Variants in ADCY8 observed in about 807,000 individuals in gnomAD.
The protein encoded by ADCY8 is adenylate cyclase 8, also known as adenylate cyclase type 8.
ADCY8 carries 51 observed loss-of-function variants against 119.7 expected under a neutral mutation model. The ratio of observed to expected loss-of-function variants is 0.43; its 90% CI spans 0.34 to 0.54. ADCY8 has a LOEUF of 0.54. Among genes scored for constraint, ADCY8 ranks in the 20% least tolerant of loss-of-function variants. The pLI is 0.03. For synonymous variants in ADCY8, 665 were observed against 651.0 expected, an observed-to-expected ratio of 1.02 and a Z score of -0.33; for missense variants, 1,383 against 1,598.8, an observed-to-expected ratio of 0.87 and a Z score of 2.30.
rs1433750984 is a variant in ADCY8 at position 130,780,369 on chromosome 8, A to G, written c.*21T>C. 1 of 1,403,252 alleles carries G rather than the reference A, an allele frequency of 7.1e-7. No individual in the cohort carries two copies. The highest frequency in any genetic ancestry group is 2.1e-5 in the South Asian group (1 of 47,930). 86.9% of individuals were successfully genotyped at this position (1,403,252 alleles called of 1,614,324 possible). On this transcript the variant is annotated 3_prime_UTR_variant, in exon 18 of 18. Coordinates refer to ENST00000286355, the MANE Select transcript of ADCY8 (RefSeq NM_001115.3). Reference sequence around the variant, plus strand: ...TATATATAAAAGAAATACAAAAAAAAAAAACAGAAAGAAAATGCTTTTATG... The same window carrying G: ...TATATATAAAAGAAATACAAAAAAAGAAAACAGAAAGAAAATGCTTTTATG...
chr8:130,783,730 T>C lies in ADCY8; in HGVS notation c.3229A>G (p.Ile1077Val). 1 of 1,613,436 alleles carries C rather than the reference T, an allele frequency of 6.2e-7. No homozygotes were observed. The highest frequency in any genetic ancestry group is 8.5e-7 in the Non-Finnish European group (1 of 1,179,702). The stretch of plus-strand genomic sequence containing the variant: ...AAATTGTTGAATGAATGCTTGTTGA[T>C]CTCCTGTATGCTTTCTGTCAGGGCG... ...SLALTESIQE[I>V]NKHSFNNFEL... is the part of the protein sequence containing the mutation. The change falls in exon 17 of 18, where the codon ATC (isoleucine) becomes GTC (valine). Residue 1077 changes from isoleucine to valine, a missense_variant. Transcript: ENST00000286355.
chr8:130,852,196 G>A (rs1454013526), intron 9 of ADCY8, among the ~76,000 whole-genome samples: 1 of 152,164 alleles, frequency 6.6e-6, no homozygotes, highest in Non-Finnish European at 1.5e-5. Flanking sequence ...TGCATGATGA[G>A]GCTACTTTAA....
chr8:130,868,050 T>C, intron 8 of ADCY8, 104 bp from the exon 9 acceptor site: 1 of 693,678 alleles, frequency 1.4e-6, no homozygotes, highest in Non-Finnish European at 2.3e-6. Flanking sequence ...TTTTTTTAAA[T>C]TAAGAATAAT....
chr8:130,948,646 A>T (rs1372087694), intron 3 of ADCY8, among the ~76,000 whole-genome samples: 30 of 72,868 alleles, frequency 4.1e-4, no homozygotes, highest in African/African-American at 8.2e-4. Context: ...CTTCAAAATT[A>T]AAAAAAAAAA....
chr8:130,796,856 C>G (rs1017749212), intron 15 of ADCY8, among the ~76,000 whole-genome samples: 1 of 151,318 alleles, frequency 6.6e-6, no homozygotes, highest in Non-Finnish European at 1.5e-5. Flanking sequence ...ACTTATCCTC[C>G]CCCTCCTCTT....
intron 7 of ADCY8, among the ~76,000 whole-genome samples, chr8:130,903,464 G>A (rs796284104): frequency 1.3e-3 from 156 of 124,710 alleles, no homozygotes; most frequent in African/African-American, 5.0e-3. Flanking sequence ...AACATGAGTG[G>A]TTTTTTTTTT....
intron 2 of ADCY8, among the ~76,000 whole-genome samples, chr8:130,969,729 C>A (rs1821866963): frequency 6.6e-6 from 1 of 152,124 alleles, no homozygotes; most frequent in Non-Finnish European, 1.5e-5. Flanking sequence ...CAAATCTTAA[C>A]CCTTCTTATG....
chr8:130,910,824 T>A (rs1205391834), intron 5 of ADCY8, among the ~76,000 whole-genome samples: 1 of 152,232 alleles, frequency 6.6e-6, no homozygotes, highest in East Asian at 1.9e-4. Flanking sequence ...GTCATGAGCG[T>A]TCTTTCTTTC....
At chr8:131,035,350 A>G (rs183942610) in intron 1 of ADCY8, among the ~76,000 whole-genome samples, 172 of 152,276 alleles carry the variant, frequency 1.1e-3, no homozygotes, top group Middle Eastern at 3.4e-3. Context: ...ATGCCACTCC[A>G]GATGCAGAAA....
At chr8:130,943,497 G>GGGGGGGGGGCACC in intron 3 of ADCY8, 35 bp from the exon 4 acceptor site, 9 of 491,334 alleles carry the variant, frequency 1.8e-5, no homozygotes, top group African/African-American at 4.1e-5. Context: ...GTGGGGGGAG[G>GGGGGGGGGGCACC]AAGTATATTA....
chr8:130,926,930 T>C (rs56076969), intron 5 of ADCY8, among the ~76,000 whole-genome samples: 2,574 of 143,242 alleles, frequency 0.018, 87 homozygotes, highest in African/African-American at 0.067. Flanking sequence ...GGTGTAATAG[T>C]ATTCCATTAC....
chr8:130,802,401 C>A (rs1032459615), intron 14 of ADCY8, among the ~76,000 whole-genome samples: 48 of 152,166 alleles, frequency 3.2e-4, no homozygotes, highest in Non-Finnish European at 2.1e-4. Flanking sequence ...AAAATGAGAG[C>A]CTTCTACTGG....
chr8:130,962,593 G>A (rs966292803), intron 2 of ADCY8, among the ~76,000 whole-genome samples: 6 of 152,236 alleles, frequency 3.9e-5, no homozygotes, highest in Admixed American at 2.0e-4. Context: ...AATTGCTACA[G>A]TGCACCCTGA....
At chr8:131,016,169 T>G (rs1403734135) in intron 1 of ADCY8, among the ~76,000 whole-genome samples, 2 of 151,920 alleles carry the variant, frequency 1.3e-5, no homozygotes, top group Non-Finnish European at 2.9e-5. Flanking sequence ...AATAGAGCAG[T>G]TAAAGGGGAG....
At chr8:130,875,556 C>T (rs1432079970) in intron 8 of ADCY8, among the ~76,000 whole-genome samples, 1 of 152,158 alleles carries the variant, frequency 6.6e-6, no homozygotes. Context: ...TTGCTCGTTA[C>T]CTAATTCCAG....
In ADCY8 at chr8:130,945,604, C is replaced by T. The variant is rs944530179; in HGVS notation, c.1242-2142G>A. Among the ~76,000 whole-genome samples the T allele has an allele frequency of 3.3e-5, 5 of 152,246 alleles. No individual in the cohort carries two copies. The East Asian group carries it at 9.7e-4, about 29-fold the overall frequency. ...GGCAATTGCCAGCATAGTAAATGTT[C>T]CTTAAACGTGTTAGCTTTTGTTATC... On this transcript the variant is annotated intron_variant, in intron 3 of 17. Coordinates refer to ENST00000286355, the MANE Select transcript of ADCY8 (RefSeq NM_001115.3).
intron 8 of ADCY8, among the ~76,000 whole-genome samples, chr8:130,871,931 G>A (rs2130411818): frequency 6.6e-6 from 1 of 152,080 alleles, no homozygotes; most frequent in South Asian, 2.1e-4. Context: ...GTCTACAAGA[G>A]AACTTGGCAA....
At chr8:130,980,503 A>C (rs1276480468) in intron 2 of ADCY8, among the ~76,000 whole-genome samples, 2 of 152,176 alleles carry the variant, frequency 1.3e-5, no homozygotes, top group African/African-American at 2.4e-5. Context: ...AAAAATGTGG[A>C]AAAAAGATGG....
intron 7 of ADCY8, among the ~76,000 whole-genome samples, chr8:130,887,604 T>C (rs1819036074): frequency 2.6e-5 from 4 of 152,146 alleles, no homozygotes. Context: ...AGCACCTACC[T>C]TACTCCTTAG....
Sources: gnomAD v4.1 joint callset for allele counts (sites outside exome capture counted in the v4.1 genomes callset) on GRCh38, gnomAD v4.1.1 for gene constraint, MANE v1.5 for transcripts, NCBI Gene and HGNC (gene_info 2026-07-23, HGNC 2026-07-21) for gene names.